CD226: variants seen among roughly 807,000 people sequenced by gnomAD.
CD226 encodes the protein CD226 molecule.
A neutral mutation model predicts 34.9 loss-of-function variants in CD226; 24 were observed. The ratio of observed to expected loss-of-function variants is 0.69; its 90% CI spans 0.50 to 0.97. CD226 has a LOEUF of 0.97. Among genes scored for constraint, CD226 ranks in the 50% least tolerant of loss-of-function variants. The pLI is 0.00. For synonymous variants in CD226, 148 were observed against 147.4 expected, an observed-to-expected ratio of 1.00 and a Z score of -0.03; for missense variants, 397 against 412.7, an observed-to-expected ratio of 0.96 and a Z score of 0.33.
intron 4 of CD226, among the ~76,000 whole-genome samples, chr18:69,870,361 A>G (rs1983443616): frequency 7.5e-6 from 1 of 133,712 alleles, no homozygotes; most frequent in Admixed American, 8.6e-5. Flanking sequence ...TGCAACCTCC[A>G]TCTCCCGGGT....
upstream of CD226, among the ~76,000 whole-genome samples, chr18:69,960,470 G>A (rs1288119202): frequency 6.6e-6 from 1 of 152,144 alleles, no homozygotes; most frequent in Admixed American, 6.5e-5. Context: ...TTGTTGTTGA[G>A]ATGGAGGCTT....
chr18:69,899,279 T>A (rs1344549895), intron 2 of CD226, among the ~76,000 whole-genome samples: 2 of 152,142 alleles, frequency 1.3e-5, no homozygotes, highest in Non-Finnish European at 2.9e-5. Context: ...CTCCTCACCA[T>A]CCTCACTGGT....
intron 3 of CD226, among the ~76,000 whole-genome samples, chr18:69,894,082 A>C (rs1207207987): frequency 6.6e-6 from 1 of 151,724 alleles, no homozygotes; most frequent in African/African-American, 2.4e-5. Flanking sequence ...AAGAAAAGAA[A>C]AGGGAATGGA....
At chr18:69,912,576 G>A (rs911983127) in intron 2 of CD226, among the ~76,000 whole-genome samples, 7 of 152,126 alleles carry the variant, frequency 4.6e-5, no homozygotes, top group African/African-American at 7.2e-5. Context: ...TCTACTGAGG[G>A]CTAGAACAAA....
At chr18:69,913,809 G>A (rs1217068147) in intron 2 of CD226, among the ~76,000 whole-genome samples, 8 of 152,158 alleles carry the variant, frequency 5.3e-5, no homozygotes, top group African/African-American at 1.9e-4. Flanking sequence ...TGGAGCAAGG[G>A]ACCAGCCCTC....
Position 69,873,399 on chromosome 18 carries a change from A to AT in CD226, c.728-154dup, listed in dbSNP as rs201420008. On this transcript the variant is annotated intron_variant, in intron 3 of 5. Transcript: ENST00000582621. Reference sequence around the variant, plus strand: ...TAGAATGAGTTACAGGAAAAAGAGAATTTTTCTTTTAGAGTCTCCTAAATA... The same window carrying AT: ...TAGAATGAGTTACAGGAAAAAGAGAATTTTTTCTTTTAGAGTCTCCTAAATA... 5.1e-3 allele frequency among the ~76,000 whole-genome samples: 782 copies of AT among 151,928 alleles called. 11 individuals are homozygous for AT. Among genetic ancestry groups the AT allele is most frequent in the African/African-American group, 0.018 (751 of 41,462 alleles).
At chr18:69,893,346 G>C (rs1985017463) in intron 3 of CD226, among the ~76,000 whole-genome samples, 1 of 152,138 alleles carries the variant, frequency 6.6e-6, no homozygotes, top group African/African-American at 2.4e-5. Context: ...AAATAGTTTT[G>C]TGCAAGAAAC....
chr18:69,869,112 TAC>T lies in CD226; in HGVS notation c.831-1703_831-1702del, dbSNP rs562936365. 1.4e-4 allele frequency among the ~76,000 whole-genome samples: 22 copies of T among 152,274 alleles called. No individual in the cohort carries two copies. In the East Asian group the frequency reaches 3.9e-3, roughly 27 times the overall value. ...ACAGTGTGGTGATTCCTCAAAAACTTACAGACAGAAATACCATTTGACCCAGC... is the reference window on the plus strand; with the variant it reads ...ACAGTGTGGTGATTCCTCAAAAACTTAGACAGAAATACCATTTGACCCAGC... On this transcript the variant is annotated intron_variant, in intron 4 of 5. Coordinates refer to ENST00000582621, the MANE Select transcript of CD226 (RefSeq NM_001303618.2).
intron 3 of CD226, among the ~76,000 whole-genome samples, chr18:69,891,451 C>T (rs1246939548): frequency 1.3e-5 from 2 of 152,124 alleles, no homozygotes; most frequent in South Asian, 2.1e-4. Context: ...CTTTCAACAC[C>T]TCTGCTTAAC....
intron 2 of CD226, among the ~76,000 whole-genome samples, chr18:69,931,764 C>G (rs989828202): frequency 6.6e-6 from 1 of 152,112 alleles, no homozygotes; most frequent in Non-Finnish European, 1.5e-5. Context: ...TTGAATATGC[C>G]CCATCTGCTT....
intron 3 of CD226, among the ~76,000 whole-genome samples, chr18:69,880,817 A>G (rs919523008): frequency 6.6e-6 from 1 of 152,004 alleles, no homozygotes; most frequent in African/African-American, 2.4e-5. Flanking sequence ...ATGCCCAGCT[A>G]ATTTTTATAT....
intron 2 of CD226, among the ~76,000 whole-genome samples, chr18:69,923,593 A>G (rs1039825616): frequency 2.6e-5 from 4 of 152,220 alleles, no homozygotes; most frequent in Non-Finnish European, 5.9e-5. Flanking sequence ...GATTAATGGG[A>G]AACTTGCAAG....
At chr18:69,961,300 C>T (rs776132688), upstream of CD226, among the ~76,000 whole-genome samples, 1 of 152,150 alleles carries the variant, frequency 6.6e-6, no homozygotes, top group Non-Finnish European at 1.5e-5. Context: ...CTATGCTCCT[C>T]TATGGCAAGA....
At chr18:69,886,301 C>T (rs1984552166) in intron 3 of CD226, among the ~76,000 whole-genome samples, 1 of 152,152 alleles carries the variant, frequency 6.6e-6, no homozygotes, top group African/African-American at 2.4e-5. Flanking sequence ...CAGCCACTGG[C>T]ACACATAGAA....
At chr18:69,871,453 G>A (rs1790951) in intron 4 of CD226, among the ~76,000 whole-genome samples, 148,345 of 152,358 alleles carry the variant, frequency 0.97, 72,367 homozygotes, top group East Asian at 1. Context: ...AAAAATGAAT[G>A]AAACACAAAC....
chr18:69,940,228 G>A (rs2055706483), intron 2 of CD226, among the ~76,000 whole-genome samples: 1 of 152,162 alleles, frequency 6.6e-6, no homozygotes, highest in Admixed American at 6.5e-5. Context: ...ATACTGAACT[G>A]AGAATCAATT....
At chr18:69,940,005 C>T (rs1018094416) in intron 2 of CD226, among the ~76,000 whole-genome samples, 4 of 152,196 alleles carry the variant, frequency 2.6e-5, no homozygotes, top group South Asian at 2.1e-4. Flanking sequence ...CCTCACGTGT[C>T]GTGGGAGAGA....
At chr18:69,897,532 G>A (rs1465737671) in intron 2 of CD226, among the ~76,000 whole-genome samples, 6 of 152,140 alleles carry the variant, frequency 3.9e-5, no homozygotes, top group African/African-American at 1.2e-4. Context: ...AATGCAAAAA[G>A]TGGGAAGTCA....
chr18:69,880,382 G>C (rs118181772), intron 3 of CD226, among the ~76,000 whole-genome samples: 1 of 113,052 alleles, frequency 8.8e-6, no homozygotes, highest in Non-Finnish European at 1.9e-5. Flanking sequence ...GGAAGGAAGG[G>C]GAAAGAAAGA....
Sources: gnomAD v4.1 joint callset for allele counts (sites outside exome capture counted in the v4.1 genomes callset) on GRCh38, gnomAD v4.1.1 for gene constraint, MANE v1.5 for transcripts, NCBI Gene and HGNC (gene_info 2026-07-23, HGNC 2026-07-21) for gene names.